The following MAPK6 variants were observed in gnomAD, a reference collection of about 807,000 sequenced individuals.
MAPK6 encodes mitogen-activated protein kinase 6.
In MAPK6, 19 loss-of-function variants were observed where a neutral mutation model predicts 59.3. That is an observed-to-expected ratio of 0.32 (90% confidence interval 0.22 to 0.47). The LOEUF (loss-of-function observed/expected upper bound fraction) is 0.47. Among genes scored for constraint, MAPK6 ranks in the 20% least tolerant of loss-of-function variants. MAPK6 has a pLI of 1.00. For synonymous variants in MAPK6, 316 were observed against 290.3 expected (o/e 1.09, Z -0.90); for missense variants, 724 against 847.9 (o/e 0.85, Z 1.81).
rs1027717121 is a variant in MAPK6, at chr15:51,991,468, C to T, written c.-770+8153C>T. Among the ~76,000 whole-genome samples the T allele has an allele frequency of 6.6e-5, 10 of 152,156 alleles. No homozygotes were observed. In the South Asian group the frequency reaches 8.3e-4, roughly 13 times the overall value. On this transcript the variant is annotated intron_variant, in intron 2 of 7. Coordinates refer to the MAPK6 transcript ENST00000691380. ...TTGTTCTGGAAAGTGTATCACATAA[C>T]GAGAAATTAATACAAAGTATATAAA...
At chr15:51,982,506 ACT>A (rs952881006) in intron 1 of MAPK6, among the ~76,000 whole-genome samples, 1 of 152,146 alleles carries the variant, frequency 6.6e-6, no homozygotes, top group African/African-American at 2.4e-5. Context: ...ACACATACAC[ACT>A]CACACATACA....
chr15:52,057,775 TA>T (rs1393751836), intron 3 of MAPK6, among the ~76,000 whole-genome samples: 1 of 152,134 alleles, frequency 6.6e-6, no homozygotes, highest in East Asian at 1.9e-4. Flanking sequence ...CTCTTGACTT[TA>T]AAAAAGTATT....
chr15:52,004,833 G>A (rs1244690562), intron 3 of MAPK6, among the ~76,000 whole-genome samples: 1 of 152,152 alleles, frequency 6.6e-6, no homozygotes, highest in Non-Finnish European at 1.5e-5. Context: ...CTGCATTGGG[G>A]ATTAAGTTGC....
chr15:51,996,983 A>T (rs184158626), intron 2 of MAPK6, among the ~76,000 whole-genome samples: 2,690 of 140,904 alleles, frequency 0.019, 81 homozygotes, highest in African/African-American at 0.066. Context: ...ATGCCAGGAA[A>T]TTTTTTTTTT....
intron 1 of MAPK6, among the ~76,000 whole-genome samples, chr15:52,036,771 T>C (rs187785759): frequency 5.9e-4 from 90 of 152,302 alleles, no homozygotes; most frequent in African/African-American, 2.1e-3. Flanking sequence ...TTTCTTTTTT[T>C]CTTCCTTTCT....
chr15:52,054,729 T>TACACACACACACAC (rs35669914), intron 3 of MAPK6, among the ~76,000 whole-genome samples: 1 of 147,034 alleles, frequency 6.8e-6, no homozygotes, highest in Non-Finnish European at 1.5e-5. Context: ...CATATATCTA[T>TACACACACACACAC]ACACACACAC....
At chr15:52,061,904 TCA>T (rs2032218920) in intron 5 of MAPK6, among the ~76,000 whole-genome samples, 2 of 152,122 alleles carry the variant, frequency 1.3e-5, no homozygotes, top group African/African-American at 2.4e-5. Flanking sequence ...ATTTTCAAAG[TCA>T]TTAAGGCATA....
intron 3 of MAPK6, chr15:52,057,148 T>TC (rs943281063): frequency 4.0e-5 from 6 of 151,580 alleles, no homozygotes; most frequent in African/African-American, 9.8e-5. Context: ...ACTCTTACTA[T>TC]CCCTCCCCCG....
Position 52,057,681 on chromosome 15 carries a change from A to G in MAPK6, c.701-952A>G, listed in dbSNP as rs2032035940. Among the ~76,000 whole-genome samples, 4 of 152,190 alleles carry G rather than the reference A, an allele frequency of 2.6e-5. No homozygotes were observed. The South Asian group carries it at 8.3e-4, about 32-fold the overall frequency. ...TGCTTCAGCCTCCCAAGTAGCTGGAACTATAGGCATGCGCCTTGCCTGGCT... is the reference window on the plus strand; with the variant it reads ...TGCTTCAGCCTCCCAAGTAGCTGGAGCTATAGGCATGCGCCTTGCCTGGCT... On this transcript the variant is annotated intron_variant, in intron 3 of 5. Transcript: ENST00000261845.
chr15:51,974,676 A>AC (rs2057152178), intron 1 of MAPK6, among the ~76,000 whole-genome samples: 1 of 149,952 alleles, frequency 6.7e-6, no homozygotes, highest in Admixed American at 6.7e-5. Flanking sequence ...AAAAAAAAAA[A>AC]AAAAAGATGA....
chr15:51,978,765 T>C (rs143045951), intron 1 of MAPK6, among the ~76,000 whole-genome samples: 6 of 151,972 alleles, frequency 3.9e-5, no homozygotes, highest in Non-Finnish European at 8.8e-5. Flanking sequence ...AACTAACTTA[T>C]TCCATTTTCA....
At chr15:51,998,452 G>A (rs548211392) in intron 2 of MAPK6, among the ~76,000 whole-genome samples, 7 of 150,496 alleles carry the variant, frequency 4.7e-5, no homozygotes, top group African/African-American at 1.7e-4. Context: ...TGATCCACCG[G>A]CCTCAGCCTC....
chr15:51,991,762 C>T lies in MAPK6; in HGVS notation c.-770+8447C>T, dbSNP rs2057209510. Among the ~76,000 whole-genome samples, 3 of 152,150 alleles carry T rather than the reference C, an allele frequency of 2.0e-5. No homozygotes were observed. The South Asian group carries it at 6.2e-4, about 32-fold the overall frequency. On this transcript the variant is annotated intron_variant, in intron 2 of 7. Transcript: ENST00000691380. ...CTTGAACGATATGTAGGTCAAAGGA[C>T]CTGTGGAGATGCAGTGGGAGGATGG...
intron 1 of MAPK6, among the ~76,000 whole-genome samples, chr15:51,976,643 G>A (rs1216892058): frequency 6.6e-6 from 1 of 151,698 alleles, no homozygotes; most frequent in Non-Finnish European, 1.5e-5. Context: ...ATGTGGAATT[G>A]TCTTTAAAAT....
intron 2 of MAPK6, among the ~76,000 whole-genome samples, chr15:52,047,407 G>A (rs1215069356): frequency 2.0e-5 from 3 of 152,052 alleles, no homozygotes; most frequent in Non-Finnish European, 4.4e-5. Context: ...GTGCTGTGGC[G>A]CCATCTCGGC....
Position 52,065,979 on chromosome 15 carries a change from TTAAA to T in MAPK6, c.*980_*983del, listed in dbSNP as rs1490108066. The T allele has an allele frequency of 6.6e-6, 1 of 152,614 alleles. No individual in the cohort carries two copies. The highest frequency in any genetic ancestry group is 1.5e-5 in the Non-Finnish European group (1 of 68,010). 9.5% of individuals were successfully genotyped at this position (152,614 alleles called of 1,614,324 possible). A position where few individuals can be genotyped will look rare whatever the true frequency, so the allele number is the denominator to read the frequency against. ...TAGAAGTCTTAATTGTGTTTATTTT[TTAAA>T]AAAACAAATGTTAGACTTGTGTGCA... On this transcript the variant is annotated 3_prime_UTR_variant, in exon 6 of 6. Transcript: ENST00000261845.
chr15:51,984,505 G>A lies in MAPK6; in HGVS notation c.-770+1190G>A, dbSNP rs372511306. On this transcript the variant is annotated intron_variant, in intron 2 of 7. Coordinates refer to the MAPK6 transcript ENST00000691380. ...TTTTTAGTACAGACAGGGTTTCACC[G>A]TGTTAGCCAGGATGGTCTTGATCTC... Among the ~76,000 whole-genome samples, 70 of 124,346 alleles carry A rather than the reference G, an allele frequency of 5.6e-4. 1 individual carries two copies. The highest frequency in any genetic ancestry group is 2.0e-3 in the African/African-American group (62 of 31,628). 81.6% of individuals were successfully genotyped at this position (124,346 alleles called of 152,430 possible).
intron 1 of MAPK6, among the ~76,000 whole-genome samples, chr15:52,023,649 G>A (rs369213705): frequency 6.0e-4 from 91 of 152,310 alleles, no homozygotes; most frequent in Non-Finnish European, 7.3e-4. Flanking sequence ...GTCTCCCTCT[G>A]TTGCCAGGCT....
intron 3 of MAPK6, 133 bp downstream of exon 3, chr15:52,050,270 G>GT (rs1355672509): frequency 1.3e-6 from 1 of 788,956 alleles, no homozygotes; most frequent in Non-Finnish European, 1.9e-6. Flanking sequence ...ATAAATTGGC[G>GT]TTTTTAATAA....
Sources: gnomAD v4.1 joint callset for allele counts (sites outside exome capture counted in the v4.1 genomes callset) on GRCh38, gnomAD v4.1.1 for gene constraint, MANE v1.5 for transcripts, NCBI Gene and HGNC (gene_info 2026-07-23, HGNC 2026-07-21) for gene names.